Variants in OPCML observed in about 807,000 individuals in gnomAD.
The protein encoded by OPCML is opioid binding protein/cell adhesion molecule like, also known as opioid-binding protein/cell adhesion molecule.
OPCML carries 13 observed loss-of-function variants against 37.8 expected under a neutral mutation model. That is an observed-to-expected ratio of 0.34 (90% CI 0.22 to 0.55). OPCML has a LOEUF of 0.55. OPCML is among the 20% of genes least tolerant of loss of function. The probability of loss-of-function intolerance (pLI) is 0.91; values close to 1 mark genes in which losing one functional copy is unlikely to be tolerated. For synonymous variants in OPCML, 176 were observed against 168.8 expected (o/e 1.04, Z -0.33); for missense variants, 341 against 435.6 (o/e 0.78, Z 1.93).
intron 1 of OPCML, among the ~76,000 whole-genome samples, chr11:133,163,083 G>A (rs538872027): frequency 6.6e-6 from 1 of 152,328 alleles, no homozygotes; most frequent in African/African-American, 2.4e-5. Flanking sequence ...CCCACTGTGA[G>A]ATGACATTGG....
chr11:132,589,019 T>C (rs543421265), intron 3 of OPCML, among the ~76,000 whole-genome samples: 1 of 152,334 alleles, frequency 6.6e-6, no homozygotes, highest in East Asian at 1.9e-4. Context: ...GATTGTTTAT[T>C]AGCACGATAT....
intron 1 of OPCML, among the ~76,000 whole-genome samples, chr11:132,959,924 C>T (rs1330278212): frequency 6.6e-6 from 1 of 152,090 alleles, no homozygotes; most frequent in Non-Finnish European, 1.5e-5. Context: ...AATGGAACAC[C>T]GTCCAAAACA....
chr11:133,365,048 T>TCACACACACACACA (rs3220326), intron 1 of OPCML, among the ~76,000 whole-genome samples: 13 of 146,580 alleles, frequency 8.9e-5, no homozygotes, highest in African/African-American at 3.3e-4. Flanking sequence ...TCTCTCTCTT[T>TCACACACACACACA]CACACACACA....
At chr11:132,719,127 G>C (rs1158584586) in intron 2 of OPCML, among the ~76,000 whole-genome samples, 1 of 152,218 alleles carries the variant, frequency 6.6e-6, no homozygotes, top group Non-Finnish European at 1.5e-5. Context: ...CTGACTGACA[G>C]GCACTGGCTC....
chr11:133,516,093 G>A (rs530870540), intron 1 of OPCML, among the ~76,000 whole-genome samples: 1 of 152,258 alleles, frequency 6.6e-6, no homozygotes, highest in East Asian at 1.9e-4. Context: ...GAGAGAAGCT[G>A]GGCAGGAGCC....
intron 1 of OPCML, among the ~76,000 whole-genome samples, chr11:133,377,028 G>C (rs1944819188): frequency 6.6e-6 from 1 of 152,136 alleles, no homozygotes; most frequent in African/African-American, 2.4e-5. Context: ...AGCGGGCAGG[G>C]GGAAAGAGCG....
chr11:133,493,303 T>G (rs980557550), intron 1 of OPCML, among the ~76,000 whole-genome samples: 1 of 152,356 alleles, frequency 6.6e-6, no homozygotes, highest in Admixed American at 6.5e-5. Flanking sequence ...GGGAGATCCA[T>G]GAAGGGCTCT....
At chr11:133,312,744 A>G (rs902463631) in intron 1 of OPCML, among the ~76,000 whole-genome samples, 5 of 152,234 alleles carry the variant, frequency 3.3e-5, no homozygotes, top group African/African-American at 9.6e-5. Context: ...GAGTTTTTTA[A>G]AAAGTTCAAG....
At chr11:132,540,072 A>G (rs2096352276) in intron 3 of OPCML, among the ~76,000 whole-genome samples, 1 of 152,170 alleles carries the variant, frequency 6.6e-6, no homozygotes, top group Non-Finnish European at 1.5e-5. Flanking sequence ...GCAAGTGAAA[A>G]TGAAACTGGC....
intron 1 of OPCML, among the ~76,000 whole-genome samples, chr11:133,075,798 T>A (rs1948612533): frequency 6.6e-6 from 1 of 152,206 alleles, no homozygotes; most frequent in Non-Finnish European, 1.5e-5. Flanking sequence ...CTAGGGGACC[T>A]TGGTCCTGCC....
intron 1 of OPCML, among the ~76,000 whole-genome samples, chr11:132,961,924 T>A (rs886355324): frequency 6.6e-6 from 1 of 152,212 alleles, no homozygotes; most frequent in African/African-American, 2.4e-5. Context: ...AGTCTTCCAG[T>A]TTCCTCTGCA....
intron 2 of OPCML, among the ~76,000 whole-genome samples, chr11:132,883,380 C>T (rs1255718162): frequency 6.6e-6 from 1 of 152,088 alleles, no homozygotes; most frequent in African/African-American, 2.4e-5. Flanking sequence ...AGGAACACAC[C>T]CGCAAGAGAG....
intron 1 of OPCML, among the ~76,000 whole-genome samples, chr11:133,492,226 C>G (rs1350747314): frequency 6.6e-6 from 1 of 152,162 alleles, no homozygotes; most frequent in African/African-American, 2.4e-5. Context: ...TACAGCAGAG[C>G]TAGGAATCAA....
intron 1 of OPCML, among the ~76,000 whole-genome samples, chr11:133,435,380 A>G (rs1052178938): frequency 6.6e-6 from 1 of 152,122 alleles, no homozygotes; most frequent in Non-Finnish European, 1.5e-5. Context: ...TGAAATGAGT[A>G]GGCATTTCAT....
chr11:132,933,720 T>C (rs79938758), intron 2 of OPCML, among the ~76,000 whole-genome samples: 3 of 152,170 alleles, frequency 2.0e-5, no homozygotes, highest in East Asian at 1.9e-4. Flanking sequence ...GAATGCAAGA[T>C]AGATAGAAGA....
chr11:133,140,927 ACGACGAAGAAGAAGAAGAC>A lies in OPCML; in HGVS notation c.62-197936_62-197918del, dbSNP rs1565468556. 6.4e-4 allele frequency among the ~76,000 whole-genome samples: 13 copies of A among 20,334 alleles called. 2 individuals are homozygous for A. The highest frequency in any genetic ancestry group is 8.1e-4 in the Non-Finnish European group (5 of 6,184). The allele number at this position is 20,334 out of a possible 152,430, so 13.3% of individuals were successfully genotyped here. A position where few individuals can be genotyped will look rare whatever the true frequency, so the allele number is the denominator to read the frequency against. On this transcript the variant is annotated intron_variant, in intron 1 of 7. Coordinates refer to ENST00000524381, the MANE Select transcript of OPCML (RefSeq NM_001012393.5). ...GACGACGAAGAAGAAGAAGACGACG[ACGACGAAGAAGAAGAAGAC>A]GACGAAGAAGAAGAAGAAGAAGAAG... is the stretch of plus-strand genomic sequence containing the variant.
chr11:133,021,384 C>T (rs1023890373), intron 1 of OPCML, among the ~76,000 whole-genome samples: 4 of 152,086 alleles, frequency 2.6e-5, no homozygotes, highest in African/African-American at 4.8e-5. Context: ...CCCCAGGGTA[C>T]GCTTCTATTC....
At chr11:132,917,736 G>T (rs1287408020) in intron 2 of OPCML, among the ~76,000 whole-genome samples, 4 of 152,182 alleles carry the variant, frequency 2.6e-5, no homozygotes. Context: ...GGAACGCTCT[G>T]ATTTCCTTAA....
At chr11:133,293,751 C>T (rs1259021312) in intron 1 of OPCML, among the ~76,000 whole-genome samples, 1 of 152,018 alleles carries the variant, frequency 6.6e-6, no homozygotes, top group African/African-American at 2.4e-5. Context: ...AAGGTCTGAT[C>T]TGGAAGAGAA....
Sources: gnomAD v4.1 joint callset for allele counts (sites outside exome capture counted in the v4.1 genomes callset) on GRCh38, gnomAD v4.1.1 for gene constraint, MANE v1.5 for transcripts, NCBI Gene and HGNC (gene_info 2026-07-23, HGNC 2026-07-21) for gene names.